The following FZD1 variants were observed in gnomAD, a reference collection of about 807,000 sequenced individuals.
FZD1 encodes frizzled class receptor 1.
A neutral mutation model predicts 48.0 loss-of-function variants in FZD1; 22 were observed. The ratio of observed to expected loss-of-function variants is 0.46; its 90% CI spans 0.33 to 0.65. FZD1 has a LOEUF of 0.65. Among genes scored for constraint, FZD1 ranks in the 30% least tolerant of loss-of-function variants. FZD1 has a pLI of 0.02. For synonymous variants in FZD1, 486 were observed against 409.6 expected, an observed-to-expected ratio of 1.19 and a Z score of -2.25; for missense variants, 843 against 898.1, an observed-to-expected ratio of 0.94 and a Z score of 0.78.
Position 91,265,695 on chromosome 7 carries a change from G to A in FZD1, c.815G>A (p.Gly272Asp). Residue 272 changes from glycine (G) to aspartate (D), a missense_variant, in exon 1 of 1, where the codon GGC becomes GAC. Around this residue, in one of 2 missense-constraint regions of FZD1, gnomAD observed 490 missense variants for 466.5 expected, o/e 1.05. Coordinates refer to ENST00000287934, the MANE Select transcript of FZD1 (RefSeq NM_003505.2). This position sits in a 1 kb window ranked among gnomAD's most constrained non-coding sequence, Gnocchi z 6.9. ...FPGGAGASER[G>D]KFSCPRALKV... The stretch of plus-strand genomic sequence containing the variant: ...GGGGGCGCCGGCGCGTCGGAGCGAG[G>A]CAAGTTCTCCTGCCCGCGCGCCCTC... The A allele has an allele frequency of 6.3e-7, 1 of 1,595,918 alleles. No homozygotes were observed. Among genetic ancestry groups the A allele is most frequent in the African/African-American group, 1.3e-5 (1 of 74,600 alleles).
rs1563007545 is a variant in FZD1, at chr7:91,265,156, G to GCCT, written c.278_280dup (p.Pro93dup). The GCCT allele has an allele frequency of 6.2e-7, 1 of 1,607,236 alleles. No individual in the cohort carries two copies. The highest frequency in any genetic ancestry group is 1.3e-5 in the African/African-American group (1 of 74,868). On this transcript the variant is annotated inframe_insertion, in exon 1 of 1. Coordinates refer to ENST00000287934, the MANE Select transcript of FZD1 (RefSeq NM_003505.2). The surrounding 1 kb of genome is among the most constrained non-coding windows in gnomAD (Gnocchi z 6.9). ...GGCCGGGGCAGCAACCGCCGCCGCC[G>GCCT]CCTCAGCAGCAACAGAGCGGGCAGC...
chr7:91,269,835 CAT>C lies in FZD1; in HGVS notation c.*3012_*3013del, dbSNP rs1803943610. On this transcript the variant is annotated 3_prime_UTR_variant, in exon 1 of 1. Coordinates refer to ENST00000287934, the MANE Select transcript of FZD1 (RefSeq NM_003505.2). ...TTCAATTAGATAATTTCTGGAAAAA[CAT>C]GTTTTTGACATTAATTGCTATCCAA... 6.0e-6 allele frequency: 1 copy of C among 166,990 alleles called. No homozygotes were observed. The highest frequency in any genetic ancestry group is 1.5e-5 in the Non-Finnish European group (1 of 68,078). The allele number at this position is 166,990 out of a possible 1,614,324, so 10.3% of individuals were successfully genotyped here.
In FZD1 at chr7:91,266,866, A is replaced by C. The variant is rs1417691712; in HGVS notation, c.*42A>C. 1 of 1,323,088 alleles carries C rather than the reference A, an allele frequency of 7.6e-7. No homozygotes were observed. Among genetic ancestry groups the C allele is most frequent in the East Asian group, 2.3e-5 (1 of 43,218 alleles). The allele number at this position is 1,323,088 out of a possible 1,614,324, so 82.0% of individuals were successfully genotyped here. A position where few individuals can be genotyped will look rare whatever the true frequency, so the allele number is the denominator to read the frequency against. ...CATGCCCAGGCCTCGGCCGGGGCGCAGCGATCCCCCAAAGCCAGCGCCGTG... is the reference window on the plus strand; with the variant it reads ...CATGCCCAGGCCTCGGCCGGGGCGCCGCGATCCCCCAAAGCCAGCGCCGTG... On this transcript the variant is annotated 3_prime_UTR_variant, in exon 1 of 1. Transcript: ENST00000287934. The surrounding 1 kb of genome is among the most constrained non-coding windows in gnomAD (Gnocchi z 6.8).
rs1253536580 is a variant in FZD1 at position 91,268,880 on chromosome 7, G to C, written c.*2056G>C. On this transcript the variant is annotated 3_prime_UTR_variant, in exon 1 of 1. Transcript: ENST00000287934. ...ATCAGTCTTTCCAAAGAATTACTCT[G>C]TTTGCATTGTTGTGATTGACATTTG... 1 of 166,894 alleles carries C rather than the reference G, an allele frequency of 6.0e-6. No homozygotes were observed. Among genetic ancestry groups the C allele is most frequent in the East Asian group, 1.9e-4 (1 of 5,206 alleles). The allele number at this position is 166,894 out of a possible 1,614,324, so 10.3% of individuals were successfully genotyped here.
rs1011076632 is a variant in FZD1, at chr7:91,267,563, T to G, written c.*739T>G. On this transcript the variant is annotated 3_prime_UTR_variant, in exon 1 of 1. Coordinates refer to ENST00000287934, the MANE Select transcript of FZD1 (RefSeq NM_003505.2). ...ATTGCGAAGGCCCGTCCCTTCGACT[T>G]CCTGAAGCTGGATTTTTAACTGTCC... 4 of 167,212 alleles carry G rather than the reference T, an allele frequency of 2.4e-5. No homozygotes were observed. Among genetic ancestry groups the G allele is most frequent in the African/African-American group, 9.6e-5 (4 of 41,578 alleles). The allele number at this position is 167,212 out of a possible 1,614,324, so 10.4% of individuals were successfully genotyped here. A position where few individuals can be genotyped will look rare whatever the true frequency, so the allele number is the denominator to read the frequency against.
At position 91,264,715 on chromosome 7, in the gene FZD1, C is replaced by T. The variant is rs1169165133; in HGVS notation, c.-166C>T. 2 of 427,312 alleles carry T rather than the reference C, an allele frequency of 4.7e-6. No homozygotes were observed. Among genetic ancestry groups the T allele is most frequent in the Non-Finnish European group, 7.9e-6 (2 of 254,688 alleles). The allele number at this position is 427,312 out of a possible 1,614,324, so 26.5% of individuals were successfully genotyped here. A position where few individuals can be genotyped will look rare whatever the true frequency, so the allele number is the denominator to read the frequency against. ...CATGAATCGCAAGTTTCCGCGGCGGCGGCGGCTGCGGTACGCAGAACAGGA... is the reference window on the plus strand; with the variant it reads ...CATGAATCGCAAGTTTCCGCGGCGGTGGCGGCTGCGGTACGCAGAACAGGA... On this transcript the variant is annotated 5_prime_UTR_variant, in exon 1 of 1. Coordinates refer to ENST00000287934, the MANE Select transcript of FZD1 (RefSeq NM_003505.2).
chr7:91,270,320 G>C lies in FZD1; in HGVS notation c.*3496G>C, dbSNP rs1196122705. On this transcript the variant is annotated 3_prime_UTR_variant, in exon 1 of 1. Coordinates refer to ENST00000287934, the MANE Select transcript of FZD1 (RefSeq NM_003505.2). ...AAAAGCAGTTTTCCACTTAAGCTTTGTGGGGACAGAGAGTCATATTTTTAA... is the reference window on the plus strand; with the variant it reads ...AAAAGCAGTTTTCCACTTAAGCTTTCTGGGGACAGAGAGTCATATTTTTAA... The C allele has an allele frequency of 6.0e-6, 1 of 166,994 alleles. No homozygotes were observed. The highest frequency in any genetic ancestry group is 1.5e-5 in the Non-Finnish European group (1 of 68,104). The allele number at this position is 166,994 out of a possible 1,614,324, so 10.3% of individuals were successfully genotyped here.
At position 91,266,663 on chromosome 7, in the gene FZD1, C is replaced by T. The variant is rs760794294; in HGVS notation, c.1783C>T (p.Pro595Ser). ...GGGCGGAGGCGCCCCGCCGCACCCG[C>T]CCATGAGCCCGGACTTCACGGTCTT... ...QAGGGAPPHP[P>S]MSPDFTVFMI... Residue 595 changes from proline to serine, a missense_variant, in exon 1 of 1, where the codon CCC becomes TCC. Physicochemically the swap from Pro to Ser is moderately conservative, Grantham distance 74. This residue lies in a region of FZD1 where 353 missense variants were observed against 431.6 expected (regional missense o/e 0.82). Transcript: ENST00000287934. This position sits in a 1 kb window ranked among gnomAD's most constrained non-coding sequence, Gnocchi z 6.8. 6.2e-7 allele frequency: 1 copy of T among 1,613,224 alleles called. No individual in the cohort carries two copies. The highest frequency in any genetic ancestry group is 8.5e-7 in the Non-Finnish European group (1 of 1,179,928).
Position 91,265,959 on chromosome 7 carries a change from G to C in FZD1, c.1079G>C (p.Gly360Ala). ...YPERPIIFLS[G>A]CYTAVAVAYI... Reference sequence around the variant, plus strand: ...GAGCGGCCCATCATCTTCTTGTCCGGCTGTTACACGGCCGTGGCCGTGGCC... The same window carrying C: ...GAGCGGCCCATCATCTTCTTGTCCGCCTGTTACACGGCCGTGGCCGTGGCC... Residue 360 changes from glycine (G) to alanine (A), a missense_variant, in exon 1 of 1, where the codon GGC becomes GCC. Gly to Ala is a moderately conservative substitution (Grantham distance 60). Around this residue, in one of 2 missense-constraint regions of FZD1, gnomAD observed 353 missense variants for 431.6 expected, o/e 0.82. Transcript: ENST00000287934. This position sits in a 1 kb window ranked among gnomAD's most constrained non-coding sequence, Gnocchi z 6.9. 1 of 1,614,158 alleles carries C rather than the reference G, an allele frequency of 6.2e-7. No individual in the cohort carries two copies.
chr7:91,271,297 C>T lies in FZD1; in HGVS notation c.*4473C>T, dbSNP rs866592939. 6.0e-6 allele frequency: 1 copy of T among 166,862 alleles called. No individual in the cohort carries two copies. The highest frequency in any genetic ancestry group is 1.5e-5 in the Non-Finnish European group (1 of 68,066). 10.3% of individuals were successfully genotyped at this position (166,862 alleles called of 1,614,324 possible). On this transcript the variant is annotated 3_prime_UTR_variant, in exon 1 of 1. Transcript: ENST00000287934. ...AGTGACAAAACAGCTTGCTTAGAACCTGGAAATTAAAACACAATTTCTAGA... is the reference window on the plus strand; with the variant it reads ...AGTGACAAAACAGCTTGCTTAGAACTTGGAAATTAAAACACAATTTCTAGA...
At position 91,267,431 on chromosome 7, in the gene FZD1, T is replaced by A. The variant is rs1327033424; in HGVS notation, c.*607T>A. ...TCCCCCTCCTTCTGTCCCCTCCCTTTCTTTCCTGGCTTGAGGTAGGGGCTC... is the reference window on the plus strand; with the variant it reads ...TCCCCCTCCTTCTGTCCCCTCCCTTACTTTCCTGGCTTGAGGTAGGGGCTC... On this transcript the variant is annotated 3_prime_UTR_variant, in exon 1 of 1. Transcript: ENST00000287934. 1.2e-5 allele frequency: 2 copies of A among 167,560 alleles called. No homozygotes were observed. The highest frequency in any genetic ancestry group is 2.9e-5 in the Non-Finnish European group (2 of 68,474). The allele number at this position is 167,560 out of a possible 1,614,324, so 10.4% of individuals were successfully genotyped here. A position where few individuals can be genotyped will look rare whatever the true frequency, so the allele number is the denominator to read the frequency against.
At position 91,269,699 on chromosome 7, in the gene FZD1, T is replaced by G. The variant is rs1191488926; in HGVS notation, c.*2875T>G. On this transcript the variant is annotated 3_prime_UTR_variant, in exon 1 of 1. Coordinates refer to ENST00000287934, the MANE Select transcript of FZD1 (RefSeq NM_003505.2). ...TAGCAAGATGCAATTTTGTGTTCCC[T>G]TTTTCTTTGTTACATTAACATAATA... is the stretch of plus-strand genomic sequence containing the variant. 6.0e-6 allele frequency: 1 copy of G among 166,944 alleles called. No individual in the cohort carries two copies. The highest frequency in any genetic ancestry group is 1.5e-5 in the Non-Finnish European group (1 of 68,090). 10.3% of individuals were successfully genotyped at this position (166,944 alleles called of 1,614,324 possible).
In FZD1 at chr7:91,264,698, G is replaced by T. The variant is rs1398007651; in HGVS notation, c.-183G>T. 5 of 409,084 alleles carry T rather than the reference G, an allele frequency of 1.2e-5. No homozygotes were observed. Among genetic ancestry groups the T allele is most frequent in the Non-Finnish European group, 1.3e-5 (3 of 238,594 alleles). 25.3% of individuals were successfully genotyped at this position (409,084 alleles called of 1,614,324 possible). On this transcript the variant is annotated 5_prime_UTR_variant, in exon 1 of 1. Coordinates refer to ENST00000287934, the MANE Select transcript of FZD1 (RefSeq NM_003505.2). ...CCCCGCCGCCCGCGCTTCATGAATCGCAAGTTTCCGCGGCGGCGGCGGCTG... is the reference window on the plus strand; with the variant it reads ...CCCCGCCGCCCGCGCTTCATGAATCTCAAGTTTCCGCGGCGGCGGCGGCTG...
In FZD1 at chr7:91,265,380, TC is replaced by T; in HGVS notation, c.501del (p.Phe168SerfsTer13). 6.2e-7 allele frequency: 1 copy of T among 1,613,962 alleles called. No individual in the cohort carries two copies. The highest frequency in any genetic ancestry group is 8.5e-7 in the Non-Finnish European group (1 of 1,179,912). On this transcript the variant is annotated frameshift_variant, in exon 1 of 1. Transcript: ENST00000287934. LOFTEE classifies it high-confidence loss of function. The surrounding 1 kb of genome is among the most constrained non-coding windows in gnomAD (Gnocchi z 6.9). ...VKVQCSAELK[F>X]FLCSMYAPVC... ...GTGCAGTGTTCCGCTGAGCTCAAGTTCTTCCTGTGCTCCATGTACGCGCCCG... is the reference window on the plus strand; with the variant it reads ...GTGCAGTGTTCCGCTGAGCTCAAGTTTTCCTGTGCTCCATGTACGCGCCCG...
rs1803883083 is a variant in FZD1, at chr7:91,266,486, C to T, written c.1606C>T (p.Arg536Cys). 1 of 1,613,896 alleles carries T rather than the reference C, an allele frequency of 6.2e-7. No individual in the cohort carries two copies. Among genetic ancestry groups the T allele is most frequent in the Non-Finnish European group, 8.5e-7 (1 of 1,179,958 alleles). Residue 536 changes from arginine (R) to cysteine (C), a missense_variant, in exon 1 of 1, where the codon CGC becomes TGC. Arg to Cys is a radical substitution (Grantham distance 180). Coordinates refer to ENST00000287934, the MANE Select transcript of FZD1 (RefSeq NM_003505.2). The surrounding 1 kb of genome is among the most constrained non-coding windows in gnomAD (Gnocchi z 6.8). The stretch of plus-strand genomic sequence containing the variant: ...CGAGAAGCTGGAGAAGCTCATGGTG[C>T]GCATTGGCGTCTTCAGCGTGCTGTA... ...KTEKLEKLMVRIGVFSVLYTV... is the reference protein window; with the variant it reads ...KTEKLEKLMVCIGVFSVLYTV...
In FZD1 at chr7:91,264,870, G is replaced by C; in HGVS notation, c.-11G>C. 1.6e-6 allele frequency: 2 copies of C among 1,289,596 alleles called. No homozygotes were observed. The highest frequency in any genetic ancestry group is 2.0e-6 in the Non-Finnish European group (2 of 1,022,294). The allele number at this position is 1,289,596 out of a possible 1,614,324, so 79.9% of individuals were successfully genotyped here. Reference sequence around the variant, plus strand: ...CCAGCGGAGCGGCGCCAAGAGAGGAGCCGAGAAAGTATGGCTGAGGAGGAG... The same window carrying C: ...CCAGCGGAGCGGCGCCAAGAGAGGACCCGAGAAAGTATGGCTGAGGAGGAG... On this transcript the variant is annotated 5_prime_UTR_variant, in exon 1 of 1. Coordinates refer to ENST00000287934, the MANE Select transcript of FZD1 (RefSeq NM_003505.2).
In FZD1 at chr7:91,264,996, G is replaced by A. The variant is rs1465925703; in HGVS notation, c.116G>A (p.Gly39Asp). 2 of 1,398,186 alleles carry A rather than the reference G, an allele frequency of 1.4e-6. No homozygotes were observed. The highest frequency in any genetic ancestry group is 1.6e-5 in the South Asian group (1 of 63,478). 86.6% of individuals were successfully genotyped at this position (1,398,186 alleles called of 1,614,324 possible). Reference protein sequence around the residue: ...RLAEEGSGDAGGRRRPPVDPR... With the variant: ...RLAEEGSGDADGRRRPPVDPR... The stretch of plus-strand genomic sequence containing the variant: ...GCGGAGGAGGGCAGCGGGGACGCCG[G>A]TGGCCGCCGCCGCCCGCCAGTTGAC... The change falls in exon 1 of 1, where the codon GGT becomes GAT. Residue 39 changes from glycine to aspartate, a missense_variant. Gly to Asp is a moderately conservative substitution (Grantham distance 94). Transcript: ENST00000287934.
chr7:91,266,830 G>A lies in FZD1; in HGVS notation c.*6G>A, dbSNP rs767160566. ...AAGGGGAGACTACAGTCTGAGACCC[G>A]GGGCTCAGCCCATGCCCAGGCCTCG... On this transcript the variant is annotated 3_prime_UTR_variant, in exon 1 of 1. Coordinates refer to ENST00000287934, the MANE Select transcript of FZD1 (RefSeq NM_003505.2). This position sits in a 1 kb window ranked among gnomAD's most constrained non-coding sequence, Gnocchi z 6.8. 2 of 1,559,636 alleles carry A rather than the reference G, an allele frequency of 1.3e-6. No homozygotes were observed. Among genetic ancestry groups the A allele is most frequent in the Admixed American group, 1.8e-5 (1 of 55,190 alleles).
At position 91,266,753 on chromosome 7, in the gene FZD1, A is replaced by G. The variant is rs1211599576; in HGVS notation, c.1873A>G (p.Lys625Glu). 1.2e-6 allele frequency: 2 copies of G among 1,613,352 alleles called. No homozygotes were observed. The highest frequency in any genetic ancestry group is 1.7e-6 in the Non-Finnish European group (2 of 1,179,684). The change falls in exon 1 of 1, where the codon AAG (lysine) becomes GAG (glutamate). Residue 625 changes from lysine to glutamate, a missense_variant. Transcript: ENST00000287934. The surrounding 1 kb of genome is among the most constrained non-coding windows in gnomAD (Gnocchi z 6.8). The part of the protein sequence containing the change: ...ITSGFWIWSG[K>E]TLNSWRKFYT... ...GTCGGGCTTCTGGATCTGGTCCGGC[A>G]AGACCCTCAACTCCTGGAGGAAGTT... is the stretch of plus-strand genomic sequence containing the variant.
Sources: allele counts gnomAD v4.1 joint callset, GRCh38; gene constraint gnomAD v4.1.1; regional missense constraint gnomAD v4.1.1; non-coding constraint Gnocchi (gnomAD v3.1); transcripts MANE v1.5; gene names NCBI Gene and HGNC (gene_info 2026-07-23, HGNC 2026-07-21).